SLC24A2: variants seen among roughly 807,000 people sequenced by gnomAD.
SLC24A2 encodes the protein sodium/potassium/calcium exchanger 2.
In SLC24A2, 36 loss-of-function variants were observed where a neutral mutation model predicts 62.0. That is an observed-to-expected ratio of 0.58 (90% confidence interval 0.44 to 0.77). SLC24A2 has a LOEUF of 0.77. SLC24A2 is among the 30% of genes least tolerant of loss of function. The pLI is 0.00. For missense variants in SLC24A2, 846 were observed against 817.9 expected (o/e 1.03, Z -0.42); for synonymous variants, 358 against 294.0 (o/e 1.22, Z -2.23).
At chr9:20,306,910 C>T in the SLC24A2 span, among the ~76,000 whole-genome samples, 1 of 152,122 alleles carries the variant, frequency 6.6e-6, no homozygotes, top group South Asian at 2.1e-4. Flanking sequence ...GTTGGCTAGG[C>T]TGGTCTCAAA....
chr9:19,713,981 A>G (rs1820788155), intron 2 of SLC24A2, among the ~76,000 whole-genome samples: 2 of 152,156 alleles, frequency 1.3e-5, no homozygotes, highest in Admixed American at 6.5e-5. Context: ...TTCTCCTACA[A>G]CCTGGATCTA....
chr9:20,152,902 A>G, the SLC24A2 span, among the ~76,000 whole-genome samples: 27 of 151,940 alleles, frequency 1.8e-4, no homozygotes, highest in African/African-American at 6.3e-4. Flanking sequence ...GAGTGCCTCA[A>G]AACTCTTAGA....
chr9:20,217,462 C>A, the SLC24A2 span, among the ~76,000 whole-genome samples: 56 of 152,166 alleles, frequency 3.7e-4, no homozygotes, highest in African/African-American at 1.3e-3. Context: ...TTGTGCTCTT[C>A]TCTGCATGTA....
the SLC24A2 span, among the ~76,000 whole-genome samples, chr9:19,924,561 G>T: frequency 6.6e-6 from 1 of 152,156 alleles, no homozygotes; most frequent in Non-Finnish European, 1.5e-5. Flanking sequence ...AAGCCACTGA[G>T]GGTGTGGCTC....
intron 8 of SLC24A2, among the ~76,000 whole-genome samples, chr9:19,543,848 A>G (rs1345836573): frequency 6.6e-6 from 1 of 152,146 alleles, no homozygotes; most frequent in Admixed American, 6.5e-5. Flanking sequence ...TTTTACTTCC[A>G]ATTATGTGGT....
chr9:19,691,410 G>C (rs182916828), intron 2 of SLC24A2, among the ~76,000 whole-genome samples: 2 of 152,108 alleles, frequency 1.3e-5, no homozygotes, highest in African/African-American at 4.8e-5. Flanking sequence ...TGAAGAAAAG[G>C]ACCATAGGGA....
the SLC24A2 span, among the ~76,000 whole-genome samples, chr9:20,086,291 G>T: frequency 6.6e-6 from 1 of 151,928 alleles, no homozygotes; most frequent in African/African-American, 2.4e-5. Flanking sequence ...TCATTTATTG[G>T]ACCACATGGC....
the SLC24A2 span, among the ~76,000 whole-genome samples, chr9:20,144,322 A>G: frequency 1.8e-4 from 27 of 152,218 alleles, no homozygotes; most frequent in Admixed American, 1.8e-3. Context: ...GAAACCTTAA[A>G]CACCCAAGTG....
the SLC24A2 span, among the ~76,000 whole-genome samples, chr9:20,055,791 A>G: frequency 3.9e-5 from 6 of 152,146 alleles, no homozygotes; most frequent in African/African-American, 1.4e-4. Context: ...AGGGAGGCTG[A>G]GGCAGGAGAA....
intron 2 of SLC24A2, among the ~76,000 whole-genome samples, chr9:19,706,768 A>C (rs1161674878): frequency 6.6e-6 from 1 of 152,202 alleles, no homozygotes; most frequent in African/African-American, 2.4e-5. Context: ...GTGTAGAGGG[A>C]AATTTATAGC....
chr9:19,921,330 T>G, the SLC24A2 span, among the ~76,000 whole-genome samples: 1 of 151,858 alleles, frequency 6.6e-6, no homozygotes, highest in South Asian at 2.1e-4. Flanking sequence ...GAGACCATCC[T>G]GGCTAGCATG....
the SLC24A2 span, among the ~76,000 whole-genome samples, chr9:20,070,943 T>A: frequency 2.0e-5 from 3 of 152,054 alleles, no homozygotes; most frequent in African/African-American, 7.2e-5. Flanking sequence ...TGGGAGGTGA[T>A]TGGGTTATAG....
chr9:19,972,916 T>C, the SLC24A2 span, among the ~76,000 whole-genome samples: 1 of 152,156 alleles, frequency 6.6e-6, no homozygotes, highest in Non-Finnish European at 1.5e-5. Flanking sequence ...AACTTGACTC[T>C]ACCTGCCCAC....
At chr9:20,189,963 C>T in the SLC24A2 span, among the ~76,000 whole-genome samples, 6 of 152,214 alleles carry the variant, frequency 3.9e-5, no homozygotes, top group Admixed American at 2.6e-4. Context: ...CATTCAGACT[C>T]GAAGACAGCC....
At chr9:20,184,377 C>T in the SLC24A2 span, among the ~76,000 whole-genome samples, 1 of 152,038 alleles carries the variant, frequency 6.6e-6, no homozygotes. Context: ...TGGTGAAACC[C>T]TGTCTCTACT....
chr9:19,550,026 T>C, intron 8 of SLC24A2, 111 bp downstream of exon 8: 1 of 1,113,432 alleles, frequency 9.0e-7, no homozygotes, highest in Non-Finnish European at 1.4e-6. Context: ...ATGTGAGATT[T>C]TGATACAAGT....
intron 4 of SLC24A2, among the ~76,000 whole-genome samples, chr9:19,606,242 C>T (rs1836980787): frequency 6.6e-6 from 1 of 152,030 alleles, no homozygotes; most frequent in South Asian, 2.1e-4. Flanking sequence ...GGTTTTTTCT[C>T]AGAAATGGCA....
Position 19,521,067 on chromosome 9 carries a change from G to A in SLC24A2, c.1570-7C>T. 6.2e-7 allele frequency: 1 copy of A among 1,613,704 alleles called. No homozygotes were observed. The highest frequency in any genetic ancestry group is 1.1e-5 in the South Asian group (1 of 91,074). ...TGCCAATTGTCTCTCCAACCTAAAT[G>A]TCAGGACAGGAATAAACATCTCAGT... On this transcript the variant is annotated splice_polypyrimidine_tract_variant and splice_region_variant and intron_variant, in intron 9 of 10. Coordinates refer to ENST00000341998, the MANE Select transcript of SLC24A2 (RefSeq NM_020344.4).
At chr9:20,069,204 T>C in the SLC24A2 span, among the ~76,000 whole-genome samples, 2,396 of 152,300 alleles carry the variant, frequency 0.016, 26 homozygotes, top group South Asian at 0.028. Context: ...CTCTACACAC[T>C]TTGCTGAACT....
Sources: allele counts gnomAD v4.1 joint callset (sites outside exome capture counted in the v4.1 genomes callset), GRCh38; gene constraint gnomAD v4.1.1; transcripts MANE v1.5; gene names NCBI Gene and HGNC (gene_info 2026-07-23, HGNC 2026-07-21).